Variants in DOCK2 observed in about 807,000 individuals in gnomAD.
DOCK2 encodes the protein dedicator of cytokinesis protein 2.
DOCK2 carries 87 observed loss-of-function variants against 248.9 expected under a neutral mutation model. That is an observed-to-expected ratio of 0.35 (90% CI 0.29 to 0.42). The LOEUF (loss-of-function observed/expected upper bound fraction) is 0.42. Among genes scored for constraint, DOCK2 ranks in the 10% least tolerant of loss-of-function variants. The probability of loss-of-function intolerance (pLI) is 1.00; values close to 1 mark genes in which losing one functional copy is unlikely to be tolerated. For missense variants in DOCK2, 1,747 were observed against 2,300.2 expected, an observed-to-expected ratio of 0.76 and a Z score of 4.92; for synonymous variants, 805 against 821.6, an observed-to-expected ratio of 0.98 and a Z score of 0.35.
In DOCK2 at chr5:170,034,335, C is replaced by A. The variant is rs183238864; in HGVS notation, c.3468-64C>A. The A allele has an allele frequency of 3.6e-3, 5,798 of 1,588,528 alleles. 19 individuals carry two copies. The highest frequency in any genetic ancestry group is 0.015 in the Middle Eastern group (91 of 5,950). ...TTTGCATGTGCTCCATCCCACCGCCCACTGGCCCCAGCACAGTCTTTCTCC... is the reference window on the plus strand; with the variant it reads ...TTTGCATGTGCTCCATCCCACCGCCAACTGGCCCCAGCACAGTCTTTCTCC... On this transcript the variant is annotated intron_variant, in intron 34 of 51. Transcript: ENST00000520908.
At chr5:169,842,098 G>A (rs1459563940) in intron 27 of DOCK2, among the ~76,000 whole-genome samples, 2 of 152,130 alleles carry the variant, frequency 1.3e-5, no homozygotes, top group African/African-American at 4.8e-5. Context: ...TCCATGTTTT[G>A]TATGAAATTT....
At chr5:170,055,869 C>T (rs942885856) in intron 42 of DOCK2, among the ~76,000 whole-genome samples, 25 of 152,182 alleles carry the variant, frequency 1.6e-4, no homozygotes, top group African/African-American at 4.8e-4. Context: ...GAGGAAGTGC[C>T]GTGAAGGCTG....
chr5:170,021,854 C>G (rs2113824454), intron 33 of DOCK2, among the ~76,000 whole-genome samples: 1 of 152,144 alleles, frequency 6.6e-6, no homozygotes, highest in Admixed American at 6.5e-5. Context: ...CTGCTGAATC[C>G]CAAGCAGCCT....
chr5:169,658,136 A>G (rs1344004029), intron 2 of DOCK2, among the ~76,000 whole-genome samples: 1 of 152,220 alleles, frequency 6.6e-6, no homozygotes, highest in African/African-American at 2.4e-5. Flanking sequence ...ATAAAGAAAC[A>G]TTGAATCAAA....
chr5:169,701,085 C>T (rs1165518832), intron 13 of DOCK2, among the ~76,000 whole-genome samples: 3 of 152,202 alleles, frequency 2.0e-5, no homozygotes, highest in African/African-American at 7.2e-5. Context: ...TTCCCTGTTT[C>T]AGCCTTATGA....
chr5:170,067,429 A>G (rs2113867783), intron 44 of DOCK2, 81 bp from the exon 45 acceptor site: 6 of 1,440,326 alleles, frequency 4.2e-6, no homozygotes, highest in East Asian at 2.3e-5. Context: ...TCCCACCCCA[A>G]GTGAAATCAA....
intron 25 of DOCK2, among the ~76,000 whole-genome samples, chr5:169,793,144 C>T (rs1766455742): frequency 6.6e-6 from 1 of 152,164 alleles, no homozygotes; most frequent in Non-Finnish European, 1.5e-5. Context: ...TATGATTACA[C>T]CCTAATTTGA....
chr5:169,854,660 T>C (rs1339592168), intron 27 of DOCK2, among the ~76,000 whole-genome samples: 6 of 152,258 alleles, frequency 3.9e-5, no homozygotes. Context: ...GGTCTGTCTC[T>C]CTTCCCCTGG....
At chr5:169,936,739 T>C (rs1776019679) in intron 27 of DOCK2, among the ~76,000 whole-genome samples, 1 of 152,076 alleles carries the variant, frequency 6.6e-6, no homozygotes, top group Non-Finnish European at 1.5e-5. Flanking sequence ...GCACCAACAC[T>C]GCACTGTCCT....
intron 27 of DOCK2, among the ~76,000 whole-genome samples, chr5:169,842,217 T>C (rs563272606): frequency 2.0e-5 from 3 of 152,214 alleles, no homozygotes; most frequent in Non-Finnish European, 4.4e-5. Context: ...CATTCCTGCT[T>C]TACACAGTGG....
chr5:169,781,742 C>T (rs1172081951), intron 25 of DOCK2, among the ~76,000 whole-genome samples: 2 of 152,140 alleles, frequency 1.3e-5, no homozygotes, highest in Non-Finnish European at 2.9e-5. Flanking sequence ...TGGCATGGGA[C>T]CTGGAACTCT....
intron 27 of DOCK2, among the ~76,000 whole-genome samples, chr5:169,974,769 T>C (rs1257854511): frequency 6.6e-6 from 1 of 152,202 alleles, no homozygotes; most frequent in African/African-American, 2.4e-5. Context: ...CCCATCGTTG[T>C]TGTATACATG....
At chr5:169,813,465 T>A (rs536312204) in intron 26 of DOCK2, among the ~76,000 whole-genome samples, 1 of 152,298 alleles carries the variant, frequency 6.6e-6, no homozygotes, top group Admixed American at 6.5e-5. Flanking sequence ...GGACTTTATT[T>A]TTTTCTTTCT....
intron 27 of DOCK2, among the ~76,000 whole-genome samples, chr5:169,888,294 C>G (rs1220010360): frequency 2.0e-5 from 3 of 152,180 alleles, no homozygotes; most frequent in Non-Finnish European, 4.4e-5. Context: ...TCACATTTCC[C>G]TAGGCATTGG....
chr5:169,946,010 C>T (rs945085551), intron 27 of DOCK2, among the ~76,000 whole-genome samples: 1 of 152,194 alleles, frequency 6.6e-6, no homozygotes, highest in Non-Finnish European at 1.5e-5. Context: ...TCCCCTCCTC[C>T]CTGCTTCCTT....
intron 27 of DOCK2, among the ~76,000 whole-genome samples, chr5:169,850,164 T>TATG (rs1770548872): frequency 6.6e-6 from 1 of 152,184 alleles, no homozygotes; most frequent in South Asian, 2.1e-4. Context: ...ATGGACCGTT[T>TATG]ATGTGACCAA....
At chr5:169,766,624 G>A (rs1764812044) in intron 25 of DOCK2, among the ~76,000 whole-genome samples, 1 of 152,128 alleles carries the variant, frequency 6.6e-6, no homozygotes, top group Admixed American at 6.5e-5. Flanking sequence ...TTCCTGGGTC[G>A]AGGGGTAGTT....
Position 170,067,677 on chromosome 5 carries a change from G to A in DOCK2, c.4635G>A (p.Lys1545=), listed in dbSNP as rs377205336. The change falls in exon 45 of 52, where the codon AAG becomes AAA. Residue 1545 remains lysine, a synonymous_variant. Coordinates refer to ENST00000520908, the MANE Select transcript of DOCK2 (RefSeq NM_004946.3). ...VDPAVMGGFA[K]YEKAFFTEEY... is the part of the protein sequence containing the mutation. ...CTGCTGTCATGGGAGGCTTCGCCAA[G>A]TATGAGAAGGTGAGGATTTCTGTTC... The A allele has an allele frequency of 6.2e-6, 10 of 1,613,954 alleles. No homozygotes were observed. The Admixed American group carries it at 1.2e-4, about 19-fold the overall frequency.
At chr5:169,906,035 G>T (rs1774257026) in intron 27 of DOCK2, among the ~76,000 whole-genome samples, 1 of 152,166 alleles carries the variant, frequency 6.6e-6, no homozygotes, top group South Asian at 2.1e-4. Context: ...GTGTTGACTG[G>T]TTGGAAGTAG....
Sources: allele counts gnomAD v4.1 joint callset (sites outside exome capture counted in the v4.1 genomes callset), GRCh38; gene constraint gnomAD v4.1.1; transcripts MANE v1.5; gene names NCBI Gene and HGNC (gene_info 2026-07-23, HGNC 2026-07-21).